Variants in KDM6B observed in about 807,000 individuals in gnomAD.
KDM6B encodes lysine demethylase 6B.
In KDM6B, 22 loss-of-function variants were observed where a neutral mutation model predicts 150.4. The observed-to-expected ratio is 0.15, with a 90% CI of 0.10 to 0.21. The LOEUF (loss-of-function observed/expected upper bound fraction) is 0.21. KDM6B is among the 10% of genes least tolerant of loss of function. KDM6B has a pLI of 1.00. For synonymous variants in KDM6B, 1,148 were observed against 921.1 expected, an observed-to-expected ratio of 1.25 and a Z score of -4.46; for missense variants, 1,984 against 2,234.3, an observed-to-expected ratio of 0.89 and a Z score of 2.26.
In KDM6B at chr17:7,848,621, C is replaced by T; in HGVS notation, c.2333C>T (p.Pro778Leu). 2 of 1,596,584 alleles carry T rather than the reference C, an allele frequency of 1.3e-6. No homozygotes were observed. Among genetic ancestry groups the T allele is most frequent in the East Asian group, 2.3e-5 (1 of 43,702 alleles). ...AAGCCACCACCAGCCCTACCACCACCACCGCCTCTAGCCAAGTTCCCTCCA... is the reference window on the plus strand; with the variant it reads ...AAGCCACCACCAGCCCTACCACCACTACCGCCTCTAGCCAAGTTCCCTCCA... ...EKKPPPALPP[P>L]PPLAKFPPPS... is the part of the protein sequence containing the mutation. Residue 778 changes from proline to leucine, a missense_variant, in exon 12 of 24, where the codon CCA (proline) becomes CTA (leucine). Transcript: ENST00000448097.
Position 7,845,894 on chromosome 17 carries a change from C to T in KDM6B, c.160C>T (p.Pro54Ser), listed in dbSNP as rs202081763. ...GGRCSASIGQPPLPAPLPPSH... is the reference protein window; with the variant it reads ...GGRCSASIGQSPLPAPLPPSH... Reference sequence around the variant, plus strand: ...CAGATGCTCAGCCAGCATTGGGCAGCCCCCGCTTCCTGCTCCCCTACCCCC... The same window carrying T: ...CAGATGCTCAGCCAGCATTGGGCAGTCCCCGCTTCCTGCTCCCCTACCCCC... Residue 54 changes from proline to serine, a missense_variant, in exon 6 of 24, where the codon CCC becomes TCC. By Grantham distance (74) the Pro-to-Ser change is moderately conservative. Transcript: ENST00000448097. 26 of 1,613,710 alleles carry T rather than the reference C, an allele frequency of 1.6e-5. No homozygotes were observed. The Middle Eastern group carries it at 5.0e-4, about 31-fold the overall frequency.
In KDM6B at chr17:7,853,190, C is replaced by T. The variant is rs1175374903; in HGVS notation, c.4738-20C>T. On this transcript the variant is annotated intron_variant, in intron 22 of 23. Coordinates refer to ENST00000448097, the MANE Select transcript of KDM6B (RefSeq NM_001348716.2). ...CAGTGGCCCTCCCTCCCCCTGACTG[C>T]ACTGTCCTCCCTGCCCCAGGTGGAG... The T allele has an allele frequency of 1.2e-6, 2 of 1,613,646 alleles. No homozygotes were observed.
chr17:7,846,055 C>G, intron 6 of KDM6B, 23 bp from the exon 7 acceptor site: 1 of 1,427,948 alleles, frequency 7.0e-7, no homozygotes, highest in South Asian at 1.2e-5. Context: ...CCCACCCACA[C>G]CCCCACCCCT....
chr17:7,835,536 A>C (rs2151365393), intron 1 of KDM6B, among the ~76,000 whole-genome samples: 1 of 151,984 alleles, frequency 6.6e-6, no homozygotes, highest in Non-Finnish European at 1.5e-5. Flanking sequence ...CTGTTGCCAG[A>C]GTAACTGGAG....
Position 7,845,553 on chromosome 17 carries a change from G to A in KDM6B, c.-2G>A. On this transcript the variant is annotated 5_prime_UTR_variant, in exon 5 of 24. Transcript: ENST00000448097. ...TAATTTCTTATCCCCAACTCAGGCT[G>A]GATGCATCGGGCAGTGGACCCTCCA... 1 of 1,614,150 alleles carries A rather than the reference G, an allele frequency of 6.2e-7. No individual in the cohort carries two copies. The highest frequency in any genetic ancestry group is 8.5e-7 in the Non-Finnish European group (1 of 1,180,010).
At chr17:7,837,074 CTT>C (rs2078343863) in intron 1 of KDM6B, among the ~76,000 whole-genome samples, 2 of 152,296 alleles carry the variant, frequency 1.3e-5, no homozygotes, top group African/African-American at 2.4e-5. Context: ...GGCTGAAAGA[CTT>C]TGCCCCTTTG....
At chr17:7,846,371 G>GGCCCGGGCCCCCCCC in intron 7 of KDM6B, 29 bp from the exon 8 acceptor site, 1 of 1,488,926 alleles carries the variant, frequency 6.7e-7, no homozygotes, top group Non-Finnish European at 9.2e-7. Context: ...CCTGACATCT[G>GGCCCGGGCCCCCCCC]CCCCTGCCCC....
chr17:7,844,244 C>T lies in KDM6B; in HGVS notation c.-268-657C>T, dbSNP rs986416939. 6.6e-6 allele frequency: 1 copy of T among 151,822 alleles called. No individual in the cohort carries two copies. The highest frequency in any genetic ancestry group is 2.1e-4 in the South Asian group (1 of 4,756). The allele number at this position is 151,822 out of a possible 1,614,324, so 9.4% of individuals were successfully genotyped here. A position where few individuals can be genotyped will look rare whatever the true frequency, so the allele number is the denominator to read the frequency against. On this transcript the variant is annotated intron_variant, in intron 2 of 23. Transcript: ENST00000448097. This position sits in a 1 kb window ranked among gnomAD's most constrained non-coding sequence, Gnocchi z 5.9. ...ACGAGAGAGGGGCCACTCGGGACCG[C>T]GGTGCGCGACTTCTCGGAAGTTGGG...
rs1184547308 is a variant in KDM6B at position 7,843,633 on chromosome 17, G to T, written c.-268-1268G>T. Among the ~76,000 whole-genome samples the T allele has an allele frequency of 6.6e-6, 1 of 152,020 alleles. No homozygotes were observed. The highest frequency in any genetic ancestry group is 2.4e-5 in the African/African-American group (1 of 41,392). ...TTCCAGCCACCCCCAGCCCCTCGTC[G>T]CGCACTCTCCCCCGGCTTCCTGCCC... On this transcript the variant is annotated intron_variant, in intron 2 of 23. Transcript: ENST00000448097. This position sits in a 1 kb window ranked among gnomAD's most constrained non-coding sequence, Gnocchi z 4.5.
In KDM6B at chr17:7,847,023, C is replaced by G; in HGVS notation, c.909+7C>G. 1.2e-6 allele frequency: 2 copies of G among 1,613,288 alleles called. No individual in the cohort carries two copies. Among genetic ancestry groups the G allele is most frequent in the South Asian group, 2.2e-5 (2 of 91,080 alleles). ...AGCACCCCCAGAGCGCCAGGTGAGC[C>G]CCTGCCTGTTGCCTTTCACCTCTCA... On this transcript the variant is annotated splice_region_variant and intron_variant, in intron 10 of 23. Transcript: ENST00000448097.
chr17:7,852,352 A>G lies in KDM6B; in HGVS notation c.4468+16A>G. The G allele has an allele frequency of 1.9e-6, 3 of 1,602,194 alleles. No homozygotes were observed. Among genetic ancestry groups the G allele is most frequent in the Non-Finnish European group, 2.6e-6 (3 of 1,174,506 alleles). On this transcript the variant is annotated intron_variant, in intron 20 of 23. Transcript: ENST00000448097. Reference sequence around the variant, plus strand: ...CCCCTCACCGGTGAGAGGGTGGGGCAGGTGTTGGCGTGGTGTGGCGCCTCA... The same window carrying G: ...CCCCTCACCGGTGAGAGGGTGGGGCGGGTGTTGGCGTGGTGTGGCGCCTCA...
rs2078368690 is a variant in KDM6B at position 7,838,592 on chromosome 17, AC to A, written c.-387-1310del. Among the ~76,000 whole-genome samples the A allele has an allele frequency of 2.6e-5, 3 of 114,550 alleles. No individual in the cohort carries two copies. In the South Asian group the frequency reaches 9.9e-4, roughly 38 times the overall value. 75.1% of individuals were successfully genotyped at this position (114,550 alleles called of 152,430 possible). On this transcript the variant is annotated intron_variant, in intron 1 of 23. Coordinates refer to ENST00000448097, the MANE Select transcript of KDM6B (RefSeq NM_001348716.2). ...CCCTCCCCCACTCTGTTGTCCAGAC[AC>A]CCCTCACACACCCTCTGACCCCCTA...
At chr17:7,841,154 G>A (rs2078408363) in intron 2 of KDM6B, among the ~76,000 whole-genome samples, 1 of 152,160 alleles carries the variant, frequency 6.6e-6, no homozygotes, top group East Asian at 1.9e-4. Flanking sequence ...GTTTTGGGGA[G>A]GAGTAAAAGA....
At chr17:7,853,425 G>A in intron 23 of KDM6B, 45 bp downstream of exon 23, 1 of 1,530,874 alleles carries the variant, frequency 6.5e-7, no homozygotes, top group Non-Finnish European at 8.7e-7. Flanking sequence ...GGGCACTGGG[G>A]CAGGCTGCAG....
rs1250621126 is a variant in KDM6B, at chr17:7,843,387, T to C, written c.-268-1514T>C. ...TCTAGTGAGGAGAGAGTTCTGACAGTAATACCACGTGAACCGCGGAGAGGG... is the reference window on the plus strand; with the variant it reads ...TCTAGTGAGGAGAGAGTTCTGACAGCAATACCACGTGAACCGCGGAGAGGG... On this transcript the variant is annotated intron_variant, in intron 2 of 23. Coordinates refer to ENST00000448097, the MANE Select transcript of KDM6B (RefSeq NM_001348716.2). This position sits in a 1 kb window ranked among gnomAD's most constrained non-coding sequence, Gnocchi z 4.5. Among the ~76,000 whole-genome samples the C allele has an allele frequency of 6.6e-6, 1 of 152,136 alleles. No individual in the cohort carries two copies. Among genetic ancestry groups the C allele is most frequent in the East Asian group, 1.9e-4 (1 of 5,174 alleles).
rs2078629773 is a variant in KDM6B, at chr17:7,848,976, C to G, written c.2688C>G (p.Thr896=). 2 of 1,540,576 alleles carry G rather than the reference C, an allele frequency of 1.3e-6. No homozygotes were observed. Among genetic ancestry groups the G allele is most frequent in the African/African-American group, 2.7e-5 (2 of 73,272 alleles). ...CAGTCCCGGGCCCCATGACCCCCAC[C>G]CAACCGCCCCCACCCCTATCTCTGC... is the stretch of plus-strand genomic sequence containing the variant. ...EEPVPGPMTP[T]QPPPPLSLPP... The change falls in exon 12 of 24, where the codon ACC becomes ACG. Residue 896 remains threonine (T), a synonymous_variant. Transcript: ENST00000448097.
At position 7,853,476 on chromosome 17, in the gene KDM6B, C is replaced by G. The variant is rs762412469; in HGVS notation, c.4909-22C>G. 2.7e-6 allele frequency: 4 copies of G among 1,504,352 alleles called. No homozygotes were observed. In the South Asian group the frequency reaches 5.0e-5, roughly 19 times the overall value. The allele number at this position is 1,504,352 out of a possible 1,614,324, so 93.2% of individuals were successfully genotyped here. A position where few individuals can be genotyped will look rare whatever the true frequency, so the allele number is the denominator to read the frequency against. ...GCCCGGCCGCGCCTTTCCCTGAGCC[C>G]CCGCCGGCTTTCTCCCCCCAGGCCC... On this transcript the variant is annotated intron_variant, in intron 23 of 23. Transcript: ENST00000448097.
Position 7,846,381 on chromosome 17 carries a change from C to CG in KDM6B, c.457-18dup. 1.3e-6 allele frequency: 2 copies of CG among 1,529,388 alleles called. No homozygotes were observed. Among genetic ancestry groups the CG allele is most frequent in the African/African-American group, 1.4e-5 (1 of 72,530 alleles). The allele number at this position is 1,529,388 out of a possible 1,614,324, so 94.7% of individuals were successfully genotyped here. On this transcript the variant is annotated intron_variant, in intron 7 of 23. Transcript: ENST00000448097. Reference sequence around the variant, plus strand: ...CCCCACCTGACATCTGCCCCTGCCCCGTGTCCCCCCACCCCCAGGCCCAGC... The same window carrying CG: ...CCCCACCTGACATCTGCCCCTGCCCCGGTGTCCCCCCACCCCCAGGCCCAGC...
intron 21 of KDM6B, 42 bp downstream of exon 21, chr17:7,852,678 G>A (rs2078722239): frequency 1.2e-6 from 2 of 1,612,794 alleles, no homozygotes; most frequent in Non-Finnish European, 1.7e-6. Context: ...CCACTGACTG[G>A]TCCCTTTTCT....
Sources: gnomAD v4.1 joint callset for allele counts (sites outside exome capture counted in the v4.1 genomes callset) on GRCh38, gnomAD v4.1.1 for gene constraint, Gnocchi (gnomAD v3.1) non-coding constraint, MANE v1.5 for transcripts, NCBI Gene and HGNC (gene_info 2026-07-23, HGNC 2026-07-21) for gene names.